The following LDHC variants were observed in gnomAD, a reference collection of about 807,000 sequenced individuals.
LDHC encodes the protein lactate dehydrogenase C.
LDHC carries 20 observed loss-of-function variants against 30.2 expected under a neutral mutation model. The observed-to-expected ratio is 0.66, with a 90% confidence interval of 0.47 to 0.96. The LOEUF is 0.96. Ranked by LOEUF, LDHC falls within the 40% of genes least tolerant of loss-of-function variation. LDHC has a pLI of 0.00. For missense variants in LDHC, 362 were observed against 394.9 expected (o/e 0.92, Z 0.71); for synonymous variants, 139 against 132.7 (o/e 1.05, Z -0.32).
chr11:18,439,811 TAAAAAAAAAAAAAA>T (rs71047596), intron 6 of LDHC, among the ~76,000 whole-genome samples: 1 of 64,192 alleles, frequency 1.6e-5, no homozygotes, highest in Non-Finnish European at 2.7e-5. Context: ...CCGTCTCTAC[TAAAAAAAAAAAAAA>T]AAAAAAAAAA....
At chr11:18,438,682 G>C (rs1005678113) in intron 6 of LDHC, 37 bp downstream of exon 6, 3 of 1,071,202 alleles carry the variant, frequency 2.8e-6, no homozygotes, top group Non-Finnish European at 4.3e-6. Context: ...TGCCTTAATA[G>C]TCAGTCTTAA....
chr11:18,412,848 G>A lies in LDHC; in HGVS notation c.126+5G>A. On this transcript the variant is annotated splice_donor_5th_base_variant and intron_variant, in intron 2 of 7. Coordinates refer to ENST00000541669, the MANE Select transcript of LDHC (RefSeq NM_017448.5). ...GCTATTAGTATCTTACTGAAGGTGAGTGAGAAGCCCATCCTGTGGCTGAAA... is the reference window on the plus strand; with the variant it reads ...GCTATTAGTATCTTACTGAAGGTGAATGAGAAGCCCATCCTGTGGCTGAAA... 1 of 1,611,918 alleles carries A rather than the reference G, an allele frequency of 6.2e-7. No individual in the cohort carries two copies. The highest frequency in any genetic ancestry group is 1.7e-5 in the Admixed American group (1 of 59,624).
intron 3 of LDHC, among the ~76,000 whole-genome samples, chr11:18,418,062 C>A (rs747229737): frequency 2.6e-5 from 4 of 151,826 alleles, no homozygotes; most frequent in Admixed American, 6.6e-5. Context: ...ATCAGTGCAT[C>A]TACCACTCAG....
At chr11:18,416,306 G>A (rs948040325) in intron 3 of LDHC, among the ~76,000 whole-genome samples, 1 of 152,104 alleles carries the variant, frequency 6.6e-6, no homozygotes, top group Non-Finnish European at 1.5e-5. Flanking sequence ...ATAGCATGAG[G>A]CCATAGAACA....
At chr11:18,450,656 A>G (rs1319463154) in intron 7 of LDHC, 1 of 229,194 alleles carries the variant, frequency 4.4e-6, no homozygotes, top group Non-Finnish European at 8.4e-6. Context: ...ATAAAATGGC[A>G]TCATGAAAGA....
At chr11:18,443,871 A>G (rs925160209) in intron 6 of LDHC, among the ~76,000 whole-genome samples, 4 of 152,220 alleles carry the variant, frequency 2.6e-5, no homozygotes, top group African/African-American at 9.6e-5. Context: ...GTTTCAGATC[A>G]GTACTTATCA....
At chr11:18,435,049 T>C in intron 5 of LDHC, 136 bp downstream of exon 5, 1 of 528,544 alleles carries the variant, frequency 1.9e-6, no homozygotes, top group Non-Finnish European at 3.3e-6. Flanking sequence ...GTGTAACTTT[T>C]ACTATTCCTT....
At chr11:18,426,385 G>A (rs1433939164) in intron 3 of LDHC, among the ~76,000 whole-genome samples, 3 of 151,974 alleles carry the variant, frequency 2.0e-5, no homozygotes, top group African/African-American at 7.3e-5. Flanking sequence ...AAATTAGCTG[G>A]GCATGGTGGC....
intron 4 of LDHC, 126 bp downstream of exon 4, chr11:18,430,036 C>T (rs573954313): frequency 8.8e-5 from 48 of 544,356 alleles, no homozygotes; most frequent in South Asian, 2.2e-4. Context: ...GTATATAACG[C>T]GATGAGTTTT....
Position 18,431,624 on chromosome 11 carries a change from C to T in LDHC, c.418+1714C>T, listed in dbSNP as rs1230609379. 2.0e-5 allele frequency among the ~76,000 whole-genome samples: 3 copies of T among 152,166 alleles called. No homozygotes were observed. The East Asian group carries it at 5.8e-4, about 29-fold the overall frequency. On this transcript the variant is annotated intron_variant, in intron 4 of 7. Transcript: ENST00000541669. ...GCAGTGGCATGACCTTGGCTCACCA[C>T]AATCTCCTTGTCGCAGGTTCAAGCG...
intron 6 of LDHC, among the ~76,000 whole-genome samples, chr11:18,439,680 A>G (rs957306738): frequency 1.3e-5 from 2 of 150,312 alleles, no homozygotes; most frequent in East Asian, 4.0e-4. Context: ...CAACCCTACA[A>G]AAATGTGTAA....
intron 7 of LDHC, among the ~76,000 whole-genome samples, chr11:18,448,800 C>T (rs1848601160): frequency 6.7e-6 from 1 of 150,030 alleles, no homozygotes; most frequent in Non-Finnish European, 1.5e-5. Context: ...CTGTATTTCA[C>T]AGCTGGTCCA....
At chr11:18,446,760 G>A (rs1848560923) in intron 7 of LDHC, among the ~76,000 whole-genome samples, 1 of 152,118 alleles carries the variant, frequency 6.6e-6, no homozygotes, top group African/African-American at 2.4e-5. Flanking sequence ...CTTTTTCCAT[G>A]GGGCAACAAA....
intron 3 of LDHC, among the ~76,000 whole-genome samples, chr11:18,418,115 A>G (rs1311982497): frequency 2.0e-5 from 3 of 151,884 alleles, no homozygotes; most frequent in African/African-American, 7.3e-5. Flanking sequence ...TACATTCTGT[A>G]TATTCATATC....
In LDHC at chr11:18,439,836, A is replaced by AAAAC. The variant is rs760393088; in HGVS notation, c.710+1191_710+1192insAAAC. 6.3e-3 allele frequency among the ~76,000 whole-genome samples: 860 copies of AAAAC among 137,340 alleles called. 28 individuals carry two copies. Among genetic ancestry groups the AAAAC allele is most frequent in the African/African-American group, 0.023 (819 of 35,432 alleles). The allele number at this position is 137,340 out of a possible 152,430, so 90.1% of individuals were successfully genotyped here. On this transcript the variant is annotated intron_variant, in intron 6 of 7. Transcript: ENST00000541669. ...TAAAAAAAAAAAAAAAAAAAAAAAA[A>AAAAC]CAAAAATTAGCCAGCTGTGGTTGTG...
At chr11:18,432,592 C>T (rs981188985) in intron 4 of LDHC, among the ~76,000 whole-genome samples, 4 of 152,114 alleles carry the variant, frequency 2.6e-5, no homozygotes, top group African/African-American at 9.7e-5. Context: ...GTGTTGCTGT[C>T]TGTCTTATTT....
intron 4 of LDHC, 76 bp from the exon 5 acceptor site, chr11:18,434,664 A>G (rs1338585181): frequency 3.9e-6 from 3 of 773,096 alleles, no homozygotes; most frequent in Non-Finnish European, 6.7e-6. Flanking sequence ...AAAACAATTC[A>G]TCTATGTATT....
At chr11:18,447,888 A>C (rs1848581855) in intron 7 of LDHC, among the ~76,000 whole-genome samples, 1 of 151,954 alleles carries the variant, frequency 6.6e-6, no homozygotes, top group African/African-American at 2.4e-5. Flanking sequence ...GCCTCTACTA[A>C]AAATACAAAA....
intron 1 of LDHC, 43 bp from the exon 2 acceptor site, chr11:18,412,666 G>A (rs1866913764): frequency 1.1e-5 from 18 of 1,570,378 alleles, no homozygotes; most frequent in Non-Finnish European, 1.6e-5. Context: ...TTTCTTAGAT[G>A]TTCAGTGTGG....
Sources: gnomAD v4.1 joint callset for allele counts (sites outside exome capture counted in the v4.1 genomes callset) on GRCh38, gnomAD v4.1.1 for gene constraint, MANE v1.5 for transcripts, NCBI Gene and HGNC (gene_info 2026-07-23, HGNC 2026-07-21) for gene names.